Variants in TTC39C observed in about 807,000 individuals in gnomAD.
TTC39C encodes the protein tetratricopeptide repeat protein 39C.
Under a neutral mutation model 76.3 loss-of-function variants are expected in TTC39C, and 33 were observed. The observed-to-expected ratio is 0.43, with a 90% CI of 0.33 to 0.58. TTC39C has a LOEUF of 0.58. Among genes scored for constraint, TTC39C ranks in the 20% least tolerant of loss-of-function variants. The pLI is 0.04. For synonymous variants in TTC39C, 254 were observed against 260.6 expected (o/e 0.97, Z 0.24); for missense variants, 595 against 701.4 (o/e 0.85, Z 1.71).
intron 4 of TTC39C, among the ~76,000 whole-genome samples, chr18:24,079,983 A>G (rs545829289): frequency 8.6e-5 from 13 of 151,738 alleles, no homozygotes; most frequent in Non-Finnish European, 1.9e-4. Context: ...TGTATTTTTT[A>G]TAGAGATGAG....
At chr18:24,084,984 A>G in intron 6 of TTC39C, among the ~76,000 whole-genome samples, 1 of 152,068 alleles carries the variant, frequency 6.6e-6, no homozygotes, top group South Asian at 2.1e-4. Flanking sequence ...GTGCTTTCTT[A>G]GATTTAGATT....
rs889190882 is a variant in TTC39C, at chr18:24,109,375, TCAA to T, written c.985-5176_985-5174del. Among the ~76,000 whole-genome samples, 66 of 151,886 alleles carry T rather than the reference TCAA, an allele frequency of 4.3e-4. 1 individual carries two copies. The highest frequency in any genetic ancestry group is 3.7e-3 in the Admixed American group (56 of 15,258). On this transcript the variant is annotated intron_variant, in intron 6 of 13. Coordinates refer to ENST00000317571, the MANE Select transcript of TTC39C (RefSeq NM_001135993.2). The stretch of plus-strand genomic sequence containing the variant: ...TTAAACTTAAACATTAAAAAAAAAT[TCAA>T]CATCCCCTGAGAATATAAACAAAGC...
At chr18:24,021,319 C>T (rs563922418) in intron 1 of TTC39C, among the ~76,000 whole-genome samples, 8 of 152,262 alleles carry the variant, frequency 5.3e-5, no homozygotes, top group Non-Finnish European at 1.2e-4. Context: ...ACCCTAAATT[C>T]GCGAGGCCGC....
chr18:24,086,184 A>G (rs2084437305), intron 6 of TTC39C, among the ~76,000 whole-genome samples: 1 of 152,224 alleles, frequency 6.6e-6, no homozygotes, highest in South Asian at 2.1e-4. Flanking sequence ...TTTTATCAAC[A>G]CGTACTCACA....
At chr18:24,067,471 A>C (rs1432280817) in intron 3 of TTC39C, among the ~76,000 whole-genome samples, 1 of 152,196 alleles carries the variant, frequency 6.6e-6, no homozygotes, top group Non-Finnish European at 1.5e-5. Context: ...ACAGGGCAGG[A>C]GGTGATCTGC....
intron 4 of TTC39C, among the ~76,000 whole-genome samples, chr18:24,075,098 A>G (rs2084286449): frequency 6.6e-6 from 1 of 152,056 alleles, no homozygotes; most frequent in South Asian, 2.1e-4. Flanking sequence ...AGAATTGAAC[A>G]ATGAGAACAC....
intron 1 of TTC39C, among the ~76,000 whole-genome samples, chr18:24,057,919 C>T (rs2084037348): frequency 6.6e-6 from 1 of 152,236 alleles, no homozygotes; most frequent in Non-Finnish European, 1.5e-5. Context: ...ACCTAAATAT[C>T]CATCAGTTGG....
upstream of TTC39C, among the ~76,000 whole-genome samples, chr18:24,012,378 C>G (rs1043064815): frequency 6.6e-6 from 1 of 152,066 alleles, no homozygotes; most frequent in African/African-American, 2.4e-5. Context: ...CTTAATTGTT[C>G]AACAATTAAA....
At chr18:24,036,878 C>A (rs1282015502) in intron 1 of TTC39C, among the ~76,000 whole-genome samples, 1 of 152,196 alleles carries the variant, frequency 6.6e-6, no homozygotes, top group Non-Finnish European at 1.5e-5. Context: ...AGCCATCTGT[C>A]CGCCTTGGCC....
chr18:24,125,572 A>G (rs766828243), intron 10 of TTC39C, 22 bp downstream of exon 10: 30 of 1,613,770 alleles, frequency 1.9e-5, no homozygotes, highest in Non-Finnish European at 2.4e-5. Flanking sequence ...AAAAAAACCC[A>G]AAACTGTCTA....
At chr18:24,115,375 T>G (rs1053078734) in intron 7 of TTC39C, among the ~76,000 whole-genome samples, 15 of 152,214 alleles carry the variant, frequency 9.9e-5, no homozygotes, top group Non-Finnish European at 2.9e-5. Context: ...TCCATTGTGC[T>G]GGGAAGAGTA....
At chr18:24,057,975 CAG>C (rs1222325822) in intron 1 of TTC39C, among the ~76,000 whole-genome samples, 1 of 152,316 alleles carries the variant, frequency 6.6e-6, no homozygotes, top group South Asian at 2.1e-4. Flanking sequence ...GAATACTATG[CAG>C]CCATAAAAAA....
chr18:24,041,616 C>T (rs1374365667), intron 1 of TTC39C, among the ~76,000 whole-genome samples: 4 of 152,196 alleles, frequency 2.6e-5, no homozygotes, highest in Admixed American at 2.6e-4. Context: ...CCGCTTTCCT[C>T]TTATCTGTTG....
At chr18:24,094,233 A>G (rs1026611962) in intron 6 of TTC39C, among the ~76,000 whole-genome samples, 9 of 152,130 alleles carry the variant, frequency 5.9e-5, no homozygotes, top group Non-Finnish European at 1.2e-4. Context: ...TTGTCCTGCG[A>G]TTGCAACAAG....
chr18:24,026,639 CA>C (rs1460660009), intron 1 of TTC39C, among the ~76,000 whole-genome samples: 1 of 152,186 alleles, frequency 6.6e-6, no homozygotes, highest in African/African-American at 2.4e-5. Context: ...TGCACCATAA[CA>C]CTCCTTTTGG....
In TTC39C at chr18:24,080,626, A is replaced by T. The variant is rs2145758141; in HGVS notation, c.502A>T (p.Ile168Phe). The T allele has an allele frequency of 6.2e-7, 1 of 1,613,298 alleles. No individual in the cohort carries two copies. Among genetic ancestry groups the T allele is most frequent in the Non-Finnish European group, 8.5e-7 (1 of 1,179,602 alleles). Residue 168 changes from isoleucine to phenylalanine, a missense_variant, in exon 5 of 14, where the codon ATT (isoleucine) becomes TTT (phenylalanine). Coordinates refer to ENST00000317571, the MANE Select transcript of TTC39C (RefSeq NM_001135993.2). Reference protein sequence around the residue: ...GGWILRKAWKIYNKCYLDINA... With the variant: ...GGWILRKAWKFYNKCYLDINA... ...GTGGATCCTTAGGAAAGCCTGGAAG[A>T]TTTACAATAAATGCTATCTGGACAT...
At chr18:24,019,364 T>C (rs1448509379) in intron 1 of TTC39C, among the ~76,000 whole-genome samples, 4 of 152,238 alleles carry the variant, frequency 2.6e-5, no homozygotes, top group African/African-American at 9.6e-5. Flanking sequence ...CATGGTCAAC[T>C]AAAATAGGAA....
At chr18:23,999,353 A>C (rs2083293918) in intron 1 of TTC39C, among the ~76,000 whole-genome samples, 2 of 152,140 alleles carry the variant, frequency 1.3e-5, no homozygotes, top group Admixed American at 1.3e-4. Flanking sequence ...CACAGAAACC[A>C]CACCTGTCAC....
chr18:24,085,592 A>G (rs1473652725), intron 6 of TTC39C, among the ~76,000 whole-genome samples: 1 of 152,198 alleles, frequency 6.6e-6, no homozygotes, highest in African/African-American at 2.4e-5. Flanking sequence ...AGCTTCATCA[A>G]AGGATTCCTG....
Sources: gnomAD v4.1 joint callset for allele counts (sites outside exome capture counted in the v4.1 genomes callset) on GRCh38, gnomAD v4.1.1 for gene constraint, MANE v1.5 for transcripts, NCBI Gene and HGNC (gene_info 2026-07-23, HGNC 2026-07-21) for gene names.